Variants in PPP1R3A observed in about 807,000 individuals in gnomAD.
The protein encoded by PPP1R3A is protein phosphatase 1 regulatory subunit 3A.
Under a neutral mutation model 41.7 loss-of-function variants are expected in PPP1R3A, and 29 were observed. The ratio of observed to expected loss-of-function variants is 0.70; its 90% CI spans 0.52 to 0.95. PPP1R3A has a LOEUF of 0.95. PPP1R3A is among the 40% of genes least tolerant of loss of function. The pLI is 0.00. For synonymous variants in PPP1R3A, 485 were observed against 453.4 expected (o/e 1.07, Z -0.89); for missense variants, 1,352 against 1,292.4 (o/e 1.05, Z -0.71).
In PPP1R3A at chr7:113,879,242, AC is replaced by A. The variant is rs778250131; in HGVS notation, c.1849del (p.Val617PhefsTer10). On this transcript the variant is annotated frameshift_variant, in exon 4 of 4. Transcript: ENST00000284601. LOFTEE classifies it low-confidence loss of function (END_TRUNC). ...GSALGGITGQ[V>X]CSSRTGNVLR... is the part of the protein sequence containing the mutation. ...AACATTTCCAGTTCTTGATGAACAA[AC>A]TTGACCAGTTATCCCTCCTAAAGCG... The A allele has an allele frequency of 1.9e-6, 3 of 1,613,722 alleles. No individual in the cohort carries two copies. Among genetic ancestry groups the A allele is most frequent in the Non-Finnish European group, 2.5e-6 (3 of 1,179,766 alleles).
chr7:113,909,567 T>C (rs1797209584), intron 1 of PPP1R3A, among the ~76,000 whole-genome samples: 1 of 152,020 alleles, frequency 6.6e-6, no homozygotes, highest in African/African-American at 2.4e-5. Flanking sequence ...AATAGTGATG[T>C]CATTCACCCC....
chr7:113,918,966 T>C lies in PPP1R3A; in HGVS notation c.31A>G (p.Ser11Gly). The change falls in exon 1 of 4, where the codon AGC (serine) becomes GGC (glycine). Residue 11 changes from serine to glycine, a missense_variant. Ser to Gly is a moderately conservative substitution (Grantham distance 56). Transcript: ENST00000284601. ...GGAACTTCTAAAAAATTATCTTTGCTAATCTGACTAGGTACTTCAGAAGGC... is the reference window on the plus strand; with the variant it reads ...GGAACTTCTAAAAAATTATCTTTGCCAATCTGACTAGGTACTTCAGAAGGC... The part of the protein sequence containing the change: MEPSEVPSQI[S>G]KDNFLEVPNL... 1.9e-6 allele frequency: 3 copies of C among 1,612,926 alleles called. No individual in the cohort carries two copies. The highest frequency in any genetic ancestry group is 2.5e-6 in the Non-Finnish European group (3 of 1,179,152).
intron 1 of PPP1R3A, 101 bp from the exon 2 acceptor site, chr7:113,882,421 A>G (rs1796710103): frequency 4.3e-6 from 3 of 697,946 alleles, no homozygotes; most frequent in Non-Finnish European, 7.5e-6. Context: ...CCAAATAAAC[A>G]TTATATAGCC....
intron 1 of PPP1R3A, among the ~76,000 whole-genome samples, chr7:113,890,957 G>C (rs1165950609): frequency 6.6e-6 from 1 of 151,420 alleles, no homozygotes; most frequent in East Asian, 2.0e-4. Flanking sequence ...GAAAACTAAA[G>C]CCCAGTTAAA....
chr7:113,905,650 G>A (rs1375857292), intron 1 of PPP1R3A, among the ~76,000 whole-genome samples: 2 of 151,746 alleles, frequency 1.3e-5, no homozygotes, highest in Non-Finnish European at 2.9e-5. Context: ...TAGATGCATT[G>A]CATTACTCTC....
In PPP1R3A at chr7:113,918,692, T is replaced by G. The variant is rs542082981; in HGVS notation, c.305A>C (p.Glu102Ala). 5 of 1,613,784 alleles carry G rather than the reference T, an allele frequency of 3.1e-6. No homozygotes were observed. In the East Asian group the frequency reaches 1.1e-4, roughly 36 times the overall value. Residue 102 changes from glutamate to alanine, a missense_variant, in exon 1 of 4, where the codon GAA (glutamate) becomes GCA (alanine). Glu to Ala is a moderately radical substitution (Grantham distance 107, BLOSUM62 -1). Coordinates refer to ENST00000284601, the MANE Select transcript of PPP1R3A (RefSeq NM_002711.4). ...AAACAGTGGGGCTAAAACATATTCT[T>G]CTGTGTGGAAAATGTCCGTCCCTAA... ...FDLGTDIFHT[E>A]EYVLAPLFDL...
chr7:113,889,366 G>C (rs1562920435), intron 1 of PPP1R3A, among the ~76,000 whole-genome samples: 1 of 152,138 alleles, frequency 6.6e-6, no homozygotes, highest in Non-Finnish European at 1.5e-5. Context: ...TTCTAATTTG[G>C]AGATCTAAAA....
intron 1 of PPP1R3A, among the ~76,000 whole-genome samples, chr7:113,912,233 T>C (rs902995347): frequency 1.3e-5 from 2 of 152,074 alleles, no homozygotes; most frequent in African/African-American, 4.8e-5. Flanking sequence ...TTGTATTCTG[T>C]AGTGCTCTCT....
At chr7:113,893,009 C>T (rs1796918854) in intron 1 of PPP1R3A, among the ~76,000 whole-genome samples, 1 of 151,910 alleles carries the variant, frequency 6.6e-6, no homozygotes, top group Non-Finnish European at 1.5e-5. Context: ...CTCATGCTGA[C>T]CTTTCTCTCT....
chr7:113,878,765 T>C lies in PPP1R3A; in HGVS notation c.2327A>G (p.His776Arg). The C allele has an allele frequency of 1.9e-6, 3 of 1,613,600 alleles. No homozygotes were observed. The highest frequency in any genetic ancestry group is 1.7e-5 in the Admixed American group (1 of 59,872). ...IEVKETAFDP[H>R]EGRNDDSHYT... ...ATGTGAATCATCATTTCTCCCTTCA[T>C]GTGGATCAAACGCTGTTTCCTTTAC... Residue 776 changes from histidine (H) to arginine (R), a missense_variant, in exon 4 of 4, where the codon CAT becomes CGT. Transcript: ENST00000284601.
At chr7:113,881,961 T>C (rs1796701014) in intron 3 of PPP1R3A, 78 bp downstream of exon 3, 3 of 1,542,536 alleles carry the variant, frequency 1.9e-6, no homozygotes, top group African/African-American at 2.7e-5. Flanking sequence ...TTGAAGCTAT[T>C]GAAAGGCAGG....
chr7:113,903,897 A>G (rs1293039036), intron 1 of PPP1R3A, among the ~76,000 whole-genome samples: 2 of 151,682 alleles, frequency 1.3e-5, no homozygotes, highest in East Asian at 3.9e-4. Context: ...GTATATTTAT[A>G]CTGTATGTAA....
At chr7:113,882,018 C>T (rs539022927) in intron 3 of PPP1R3A, 21 bp downstream of exon 3, 54 of 1,611,306 alleles carry the variant, frequency 3.4e-5, no homozygotes, top group East Asian at 6.7e-5. Context: ...TCTCTAATAC[C>T]GTGGCAACCA....
At chr7:113,901,692 G>C (rs543746636) in intron 1 of PPP1R3A, among the ~76,000 whole-genome samples, 1 of 151,714 alleles carries the variant, frequency 6.6e-6, no homozygotes, top group Non-Finnish European at 1.5e-5. Flanking sequence ...GGTTAGCTGC[G>C]AGTGGTAAGG....
chr7:113,917,178 C>T (rs1165436763), intron 1 of PPP1R3A, among the ~76,000 whole-genome samples: 2 of 151,534 alleles, frequency 1.3e-5, no homozygotes, highest in African/African-American at 2.4e-5. Flanking sequence ...GTTCCCTTTC[C>T]TATTTCCTAT....
At chr7:113,889,149 T>C (rs916006042) in intron 1 of PPP1R3A, among the ~76,000 whole-genome samples, 1 of 152,138 alleles carries the variant, frequency 6.6e-6, no homozygotes, top group Admixed American at 6.6e-5. Context: ...ACTCCTAGTA[T>C]GGACAACAAT....
intron 1 of PPP1R3A, among the ~76,000 whole-genome samples, chr7:113,914,412 G>A (rs1027255940): frequency 6.6e-6 from 1 of 152,018 alleles, no homozygotes; most frequent in Admixed American, 6.6e-5. Flanking sequence ...TCTATTAAAT[G>A]TGGAAATTTT....
intron 1 of PPP1R3A, among the ~76,000 whole-genome samples, chr7:113,884,306 G>A (rs560687429): frequency 2.7e-4 from 41 of 152,036 alleles, no homozygotes; most frequent in African/African-American, 9.4e-4. Context: ...GCAAATGATG[G>A]CTAAAATGTT....
intron 1 of PPP1R3A, among the ~76,000 whole-genome samples, chr7:113,905,031 T>G (rs1562924854): frequency 6.6e-6 from 1 of 151,602 alleles, no homozygotes. Context: ...CCACAACACA[T>G]TTTTACTTTG....
Sources: allele counts gnomAD v4.1 joint callset (sites outside exome capture counted in the v4.1 genomes callset), GRCh38; gene constraint gnomAD v4.1.1; transcripts MANE v1.5; gene names NCBI Gene and HGNC (gene_info 2026-07-23, HGNC 2026-07-21).